The following KIF22 variants were observed in gnomAD, a reference collection of about 807,000 sequenced individuals.
KIF22 encodes the protein kinesin-like protein KIF22.
In KIF22, 62 loss-of-function variants were observed where a neutral mutation model predicts 73.0. That is an observed-to-expected ratio of 0.85 (90% CI 0.69 to 1.05). KIF22 has a LOEUF of 1.05. Among genes scored for constraint, KIF22 ranks in the 50% least tolerant of loss-of-function variants. The pLI is 0.00. For synonymous variants in KIF22, 411 were observed against 340.1 expected, an observed-to-expected ratio of 1.21 and a Z score of -2.29; for missense variants, 854 against 870.1, an observed-to-expected ratio of 0.98 and a Z score of 0.23.
chr16:29,805,315 C>G lies in KIF22; in HGVS notation c.*5C>G, dbSNP rs760530362. On this transcript the variant is annotated 3_prime_UTR_variant, in exon 14 of 14. Coordinates refer to ENST00000160827, the MANE Select transcript of KIF22 (RefSeq NM_007317.3). ...CAGCGCTGTGGCGCCTCCTGACCGT[C>G]GTCTCCTCACTCCGCCTTTTCAAAT... 1 of 1,612,718 alleles carries G rather than the reference C, an allele frequency of 6.2e-7. No individual in the cohort carries two copies. Among genetic ancestry groups the G allele is most frequent in the Admixed American group, 1.7e-5 (1 of 60,010 alleles).
rs1289418001 is a variant in KIF22, at chr16:29,799,348, C to A, written c.844C>A (p.Arg282=). 1.2e-6 allele frequency: 2 copies of A among 1,614,106 alleles called. No homozygotes were observed. ...LIDLAGSEDN[R]RTGNKGLRLK... ...TGACTTGGCTGGGTCAGAGGACAAC[C>A]GGCGCACAGGCAACAAGGGCCTTCG... The change falls in exon 6 of 14, where the codon CGG becomes AGG. Residue 282 remains arginine (R), a synonymous_variant. Transcript: ENST00000160827.
At chr16:29,804,237 G>T in intron 11 of KIF22, 172 bp downstream of exon 11, 1 of 643,870 alleles carries the variant, frequency 1.6e-6, no homozygotes, top group South Asian at 1.7e-5. Context: ...GTTCCTTGCA[G>T]GGCATTTAGG....
Position 29,798,979 on chromosome 16 carries a change from T to TAG in KIF22, c.556_557dup (p.Asp186GlufsTer12), listed in dbSNP as rs746614468. 6.2e-7 allele frequency: 1 copy of TAG among 1,614,074 alleles called. No individual in the cohort carries two copies. The highest frequency in any genetic ancestry group is 1.1e-5 in the South Asian group (1 of 91,084). ...TCCCCTTCACTGCTTACACAGGTAT[T>TAG]AGACCTCCTGGACCCTGCTTCGGGA... On this transcript the variant is annotated frameshift_variant, in exon 5 of 14. Transcript: ENST00000160827. LOFTEE classifies it high-confidence loss of function. The surrounding 1 kb of genome is among the most constrained non-coding windows in gnomAD (Gnocchi z 4.1).
intron 11 of KIF22, 46 bp downstream of exon 11, chr16:29,804,111 AGG>A: frequency 6.8e-7 from 1 of 1,475,860 alleles, no homozygotes; most frequent in Non-Finnish European, 9.5e-7. Context: ...CCCAGAAGTA[AGG>A]GGGAGTAGGC....
rs747104598 is a variant in KIF22 at position 29,799,978 on chromosome 16, G to A, written c.1210G>A (p.Gly404Ser). ...TCCACCAGAGGCAAAGAGAGCCCGAGGCCCTGAGGAAGAGGAGATCGGGAG... is the reference window on the plus strand; with the variant it reads ...TCCACCAGAGGCAAAGAGAGCCCGAAGCCCTGAGGAAGAGGAGATCGGGAG... The part of the protein sequence containing the change: ...LGPPEAKRAR[G>S]PEEEEIGSPE... Residue 404 changes from glycine to serine, a missense_variant, in exon 8 of 14, where the codon GGC (glycine) becomes AGC (serine). By Grantham distance (56) the Gly-to-Ser change is moderately conservative. Around this residue, in one of 3 missense-constraint regions of KIF22, gnomAD observed 423 missense variants for 365.4 expected, o/e 1.16. Transcript: ENST00000160827. 30 of 1,614,034 alleles carry A rather than the reference G, an allele frequency of 1.9e-5. No individual in the cohort carries two copies. The highest frequency in any genetic ancestry group is 2.4e-5 in the Non-Finnish European group (28 of 1,180,030).
At chr16:29,793,164 C>G (rs1898860749) in intron 1 of KIF22, among the ~76,000 whole-genome samples, 1 of 152,126 alleles carries the variant, frequency 6.6e-6, no homozygotes, top group Non-Finnish European at 1.5e-5. Context: ...TTAAGAGGAG[C>G]CGTCGGCTGG....
Position 29,804,897 on chromosome 16 carries a change from T to C in KIF22, c.1761T>C (p.His587=), listed in dbSNP as rs770870712. Residue 587 remains histidine, a synonymous_variant, in exon 12 of 14, where the codon CAT becomes CAC. Coordinates refer to ENST00000160827, the MANE Select transcript of KIF22 (RefSeq NM_007317.3). ...AGATCAGCCCGGAGCTACTGGCTCA[T>C]GGGCGCCAAAAAATACTGGATCTGC... ...ELQISPELLA[H]GRQKILDLLN... 14 of 1,613,944 alleles carry C rather than the reference T, an allele frequency of 8.7e-6. No individual in the cohort carries two copies. Among genetic ancestry groups the C allele is most frequent in the South Asian group, 2.2e-5 (2 of 91,084 alleles).
Position 29,799,899 on chromosome 16 carries a change from C to G in KIF22, c.1145-14C>G, listed in dbSNP as rs769009531. ...CCCCAATCCCTCTCTCCACCCCATC[C>G]TCCAATCATCTAGCCTTGGGACCTG... is the stretch of plus-strand genomic sequence containing the variant. On this transcript the variant is annotated splice_polypyrimidine_tract_variant and intron_variant, in intron 7 of 13. Transcript: ENST00000160827. 1 of 1,613,628 alleles carries G rather than the reference C, an allele frequency of 6.2e-7. No individual in the cohort carries two copies.
At chr16:29,803,308 C>G in intron 9 of KIF22, 141 bp from the exon 10 acceptor site, 2 of 936,378 alleles carry the variant, frequency 2.1e-6, no homozygotes, top group Non-Finnish European at 3.2e-6. Context: ...TTAGGCTCCA[C>G]CTGTCTCCTG....
In KIF22 at chr16:29,799,774, G is replaced by T; in HGVS notation, c.1137G>T (p.Gln379His). Residue 379 changes from glutamine (Q) to histidine (H), a missense_variant, in exon 7 of 14, where the codon CAG becomes CAT. Physicochemically the swap from Gln to His is conservative, Grantham distance 24. Transcript: ENST00000160827. The stretch of plus-strand genomic sequence containing the variant: ...GGCCTTTTACCAATGAGAGCCTGCA[G>T]CCTCATGGTGAGAACTGGGGGAGGC... ...INRPFTNESL[Q>H]PHALGPVKLS... The T allele has an allele frequency of 6.2e-7, 1 of 1,613,768 alleles. No homozygotes were observed. The highest frequency in any genetic ancestry group is 1.1e-5 in the South Asian group (1 of 91,026).
In KIF22 at chr16:29,792,386, A is replaced by T. The variant is rs570636807; in HGVS notation, c.70+1557A>T. ...CTGGACTGTGAGCCCTGGGGCAGGA[A>T]TGGCCGTGAGCCATTTTCATGATGG... is the stretch of plus-strand genomic sequence containing the variant. On this transcript the variant is annotated intron_variant, in intron 1 of 13. Transcript: ENST00000160827. 1.3e-4 allele frequency: 128 copies of T among 984,348 alleles called. No homozygotes were observed. The African/African-American group carries it at 2.1e-3, about 16-fold the overall frequency. 61.0% of individuals were successfully genotyped at this position (984,348 alleles called of 1,614,324 possible). A position where few individuals can be genotyped will look rare whatever the true frequency, so the allele number is the denominator to read the frequency against.
At position 29,804,116 on chromosome 16, in the gene KIF22, G is replaced by A. The variant is rs747290312; in HGVS notation, c.1677+51G>A. On this transcript the variant is annotated intron_variant, in intron 11 of 13. Transcript: ENST00000160827. ...ACACCTGGAGCCCAGAAGTAAGGGG[G>A]AGTAGGCTCTAGGGGGAGGAGCGTT... 2.7e-6 allele frequency: 4 copies of A among 1,460,720 alleles called. No individual in the cohort carries two copies. In the South Asian group the frequency reaches 4.5e-5, roughly 17 times the overall value. The allele number at this position is 1,460,720 out of a possible 1,614,324, so 90.5% of individuals were successfully genotyped here.
At position 29,799,507 on chromosome 16, in the gene KIF22, T is replaced by C. The variant is rs1176657032; in HGVS notation, c.990+13T>C. 1 of 1,613,768 alleles carries C rather than the reference T, an allele frequency of 6.2e-7. No homozygotes were observed. The highest frequency in any genetic ancestry group is 8.5e-7 in the Non-Finnish European group (1 of 1,179,686). On this transcript the variant is annotated intron_variant, in intron 6 of 13. Coordinates refer to ENST00000160827, the MANE Select transcript of KIF22 (RefSeq NM_007317.3). ...TCGCCTATTGCAGGTCAGGCCCACC[T>C]GTCTCAGGGAAGAAGGGGCTGCAGA...
intron 8 of KIF22, among the ~76,000 whole-genome samples, chr16:29,801,444 T>C (rs1899133820): frequency 6.6e-6 from 1 of 152,190 alleles, no homozygotes; most frequent in African/African-American, 2.4e-5. Context: ...TTAAGGAAGA[T>C]GCCACACACA....
rs1044225392 is a variant in KIF22, at chr16:29,791,081, C to T, written c.70+252C>T. The T allele has an allele frequency of 1.0e-5, 14 of 1,371,270 alleles. No homozygotes were observed. The African/African-American group carries it at 2.1e-4, about 20-fold the overall frequency. 84.9% of individuals were successfully genotyped at this position (1,371,270 alleles called of 1,614,324 possible). A position where few individuals can be genotyped will look rare whatever the true frequency, so the allele number is the denominator to read the frequency against. On this transcript the variant is annotated intron_variant, in intron 1 of 13. Transcript: ENST00000160827. The stretch of plus-strand genomic sequence containing the variant: ...TCCGGTCCAGGCTCTTGGCTTGAAC[C>T]CCGCGCACTTTTTCTTTGTGAGCTT...
At chr16:29,795,153 C>G (rs1240926205) in intron 1 of KIF22, among the ~76,000 whole-genome samples, 2 of 152,216 alleles carry the variant, frequency 1.3e-5, no homozygotes, top group Non-Finnish European at 2.9e-5. Context: ...CAAGTCAGTG[C>G]ACCTCAGTTT....
chr16:29,796,077 C>G (rs1898941079), intron 1 of KIF22, among the ~76,000 whole-genome samples: 1 of 151,882 alleles, frequency 6.6e-6, no homozygotes, highest in South Asian at 2.1e-4. Flanking sequence ...TTGAGACCAG[C>G]CTGGCCAACA....
At chr16:29,801,857 GA>G (rs1436814665) in intron 8 of KIF22, among the ~76,000 whole-genome samples, 1 of 152,176 alleles carries the variant, frequency 6.6e-6, no homozygotes, top group Non-Finnish European at 1.5e-5. Context: ...CATAGGAAGG[GA>G]GATGCATTGT....
At position 29,797,525 on chromosome 16, in the gene KIF22, C is replaced by A. The variant is rs1171706359; in HGVS notation, c.266+437C>A. 6.6e-6 allele frequency among the ~76,000 whole-genome samples: 1 copy of A among 152,158 alleles called. No individual in the cohort carries two copies. The highest frequency in any genetic ancestry group is 2.4e-5 in the African/African-American group (1 of 41,416). On this transcript the variant is annotated intron_variant, in intron 2 of 13. Transcript: ENST00000160827. The surrounding 1 kb of genome is among the most constrained non-coding windows in gnomAD (Gnocchi z 4.1). ...GGGATTTAAAGTTCAAACTCCTTGGCCTGTTTTTCTAGGCGGGGGCTGGCA... is the reference window on the plus strand; with the variant it reads ...GGGATTTAAAGTTCAAACTCCTTGGACTGTTTTTCTAGGCGGGGGCTGGCA...
Sources: allele counts gnomAD v4.1 joint callset (sites outside exome capture counted in the v4.1 genomes callset), GRCh38; gene constraint gnomAD v4.1.1; regional missense constraint gnomAD v4.1.1; non-coding constraint Gnocchi (gnomAD v3.1); transcripts MANE v1.5; gene names NCBI Gene and HGNC (gene_info 2026-07-23, HGNC 2026-07-21).